The following WWP2 variants were observed in gnomAD, a reference collection of about 807,000 sequenced individuals.
WWP2 encodes NEDD4-like E3 ubiquitin-protein ligase WWP2.
Under a neutral mutation model 121.0 loss-of-function variants are expected in WWP2, and 57 were observed. The ratio of observed to expected loss-of-function variants is 0.47; its 90% CI spans 0.38 to 0.59. The LOEUF (loss-of-function observed/expected upper bound fraction) is 0.59. Ranked by LOEUF, WWP2 falls within the 20% of genes least tolerant of loss-of-function variation. The pLI, the probability that WWP2 is intolerant of heterozygous loss-of-function variation, is 0.00. For missense variants in WWP2, 962 were observed against 1,158.9 expected (o/e 0.83, Z 2.47); for synonymous variants, 449 against 441.3 (o/e 1.02, Z -0.22).
intron 6 of WWP2, among the ~76,000 whole-genome samples, chr16:69,850,062 T>A (rs1751875784): frequency 3.3e-5 from 5 of 152,130 alleles, no homozygotes; most frequent in Admixed American, 3.3e-4. Context: ...TATACATGAA[T>A]GCCAGGCTCT....
chr16:69,829,737 T>TTCCTTGTTA (rs1366826625), intron 4 of WWP2, among the ~76,000 whole-genome samples: 7 of 152,270 alleles, frequency 4.6e-5, no homozygotes, highest in African/African-American at 1.7e-4. Context: ...AACTTTACAT[T>TTCCTTGTTA]TCCTTGTTAC....
At chr16:69,866,290 AT>A (rs2057522619) in intron 6 of WWP2, among the ~76,000 whole-genome samples, 1 of 144,306 alleles carries the variant, frequency 6.9e-6, no homozygotes, top group Non-Finnish European at 1.5e-5. Flanking sequence ...TTATTTATTT[AT>A]TTATTTATTT....
chr16:69,861,349 A>G (rs143334739), intron 6 of WWP2, among the ~76,000 whole-genome samples: 4 of 152,314 alleles, frequency 2.6e-5, no homozygotes, highest in East Asian at 3.9e-4. Context: ...ACCATTTACT[A>G]TACCTTCTCT....
chr16:69,815,503 GA>G (rs1228224520), intron 4 of WWP2, among the ~76,000 whole-genome samples: 6 of 151,176 alleles, frequency 4.0e-5, no homozygotes, highest in Non-Finnish European at 8.8e-5. Flanking sequence ...AAAAAAAGGA[GA>G]GGGGCAGGGG....
intron 10 of WWP2, among the ~76,000 whole-genome samples, chr16:69,920,606 A>G (rs2058545776): frequency 6.6e-6 from 1 of 151,492 alleles, no homozygotes; most frequent in Non-Finnish European, 1.5e-5. Flanking sequence ...CTACCTGATT[A>G]TCCAAAATTT....
chr16:69,920,204 G>C (rs1431885259), intron 10 of WWP2, among the ~76,000 whole-genome samples: 1 of 152,136 alleles, frequency 6.6e-6, no homozygotes, highest in East Asian at 1.9e-4. Context: ...AACCATGGAG[G>C]ACCTCAGTTT....
At chr16:69,774,676 A>C (rs2055486207) in intron 1 of WWP2, 1 of 152,044 alleles carries the variant, frequency 6.6e-6, no homozygotes, top group Non-Finnish European at 1.5e-5. Flanking sequence ...ATGCCTTTTT[A>C]ATTTCTATTT....
At chr16:69,864,319 G>C (rs1220181062) in intron 6 of WWP2, among the ~76,000 whole-genome samples, 1 of 152,058 alleles carries the variant, frequency 6.6e-6, no homozygotes, top group Non-Finnish European at 1.5e-5. Context: ...CCATGATCAC[G>C]CCATTGCACT....
chr16:69,863,499 C>T (rs550014606), intron 6 of WWP2, among the ~76,000 whole-genome samples: 135 of 151,990 alleles, frequency 8.9e-4, no homozygotes, highest in African/African-American at 2.6e-3. Context: ...ATTAGCTGGG[C>T]GAGGTGGCAG....
Position 69,931,757 on chromosome 16 carries a change from G to A in WWP2, c.1594-45G>A, listed in dbSNP as rs1265469231. The A allele has an allele frequency of 2.5e-6, 4 of 1,602,426 alleles. No homozygotes were observed. In the Admixed American group the frequency reaches 5.0e-5, roughly 20 times the overall value. On this transcript the variant is annotated intron_variant, in intron 15 of 23. Transcript: ENST00000359154. ...CCTGTCCCTCCCGCCCCTGCCTGCT[G>A]TGGAAGGGAGAGTGGCAGGCTGGCC...
chr16:69,825,199 C>T (rs1477889411), intron 4 of WWP2, among the ~76,000 whole-genome samples: 1 of 151,362 alleles, frequency 6.6e-6, no homozygotes. Context: ...CTGAGGTGGG[C>T]GGATCACTTG....
At chr16:69,881,794 C>T (rs945187410) in intron 7 of WWP2, among the ~76,000 whole-genome samples, 48 of 152,320 alleles carry the variant, frequency 3.2e-4, no homozygotes, top group Non-Finnish European at 1.3e-4. Context: ...TGGGCTCAAG[C>T]GATTCTCCTG....
intron 8 of WWP2, among the ~76,000 whole-genome samples, chr16:69,894,324 T>C (rs541944680): frequency 6.6e-6 from 1 of 151,610 alleles, no homozygotes; most frequent in Admixed American, 6.6e-5. Context: ...CAAGCGATCT[T>C]CCCGCCTTGG....
rs762668001 is a variant in WWP2 at position 69,936,465 on chromosome 16, C to T, written c.2117+13C>T. 6.2e-6 allele frequency: 10 copies of T among 1,613,522 alleles called. No individual in the cohort carries two copies. Among genetic ancestry groups the T allele is most frequent in the South Asian group, 3.3e-5 (3 of 91,076 alleles). The stretch of plus-strand genomic sequence containing the variant: ...AAGAGTACATCATGTGAGTCTCAGG[C>T]GCCGGGGGCTCCGCTCCAGGGGTGG... On this transcript the variant is annotated intron_variant, in intron 19 of 23. Transcript: ENST00000359154.
intron 4 of WWP2, among the ~76,000 whole-genome samples, chr16:69,837,115 G>A (rs918439768): frequency 6.6e-6 from 1 of 151,670 alleles, no homozygotes; most frequent in Non-Finnish European, 1.5e-5. Flanking sequence ...ATTAGAGATG[G>A]GGTTTTACCA....
chr16:69,766,772 T>C (rs1290334167), intron 1 of WWP2, among the ~76,000 whole-genome samples: 1 of 152,114 alleles, frequency 6.6e-6, no homozygotes, highest in African/African-American at 2.4e-5. Context: ...TACTTTATTA[T>C]TTTTGGAGTG....
chr16:69,924,875 G>A, intron 10 of WWP2: 1 of 968,424 alleles, frequency 1.0e-6, no homozygotes, highest in Middle Eastern at 5.3e-4. Context: ...ACCCAGATGG[G>A]AGGTTGGGGG....
At position 69,799,440 on chromosome 16, in the gene WWP2, A is replaced by G. The variant is rs538205173; in HGVS notation, c.340+145A>G. 3 of 1,182,978 alleles carry G rather than the reference A, an allele frequency of 2.5e-6. No individual in the cohort carries two copies. The African/African-American group carries it at 4.7e-5, about 18-fold the overall frequency. The allele number at this position is 1,182,978 out of a possible 1,614,324, so 73.3% of individuals were successfully genotyped here. A position where few individuals can be genotyped will look rare whatever the true frequency, so the allele number is the denominator to read the frequency against. The stretch of plus-strand genomic sequence containing the variant: ...GGATGCTGTCTTTGGAGTTTTGGGA[A>G]GGCTGAGGGCTCCTCTCTGCCTCCA... On this transcript the variant is annotated intron_variant, in intron 4 of 23. Transcript: ENST00000359154. The surrounding 1 kb of genome is among the most constrained non-coding windows in gnomAD (Gnocchi z 4.5).
chr16:69,773,264 C>T (rs1293076285), intron 1 of WWP2, among the ~76,000 whole-genome samples: 2 of 151,260 alleles, frequency 1.3e-5, no homozygotes, highest in Non-Finnish European at 2.9e-5. Context: ...CTGCAACCTT[C>T]GCCTCCCAGG....
Sources: allele counts gnomAD v4.1 joint callset (sites outside exome capture counted in the v4.1 genomes callset), GRCh38; gene constraint gnomAD v4.1.1; non-coding constraint Gnocchi (gnomAD v3.1); transcripts MANE v1.5; gene names NCBI Gene and HGNC (gene_info 2026-07-23, HGNC 2026-07-21).